Variants in PDE4D observed in about 807,000 individuals in gnomAD.
The protein encoded by PDE4D is phosphodiesterase 4D.
PDE4D carries 24 observed loss-of-function variants against 87.4 expected under a neutral mutation model. The ratio of observed to expected loss-of-function variants is 0.27; its 90% CI spans 0.20 to 0.39. PDE4D has a LOEUF of 0.39. Among genes scored for constraint, PDE4D ranks in the 10% least tolerant of loss-of-function variants. The pLI, the probability that PDE4D is intolerant of heterozygous loss-of-function variation, is 1.00. For missense variants in PDE4D, 714 were observed against 1,041.0 expected (o/e 0.69, Z 4.32); for synonymous variants, 384 against 383.2 (o/e 1.00, Z -0.02).
At chr5:59,584,107 C>G (rs722923) in intron 1 of PDE4D, among the ~76,000 whole-genome samples, 2 of 152,094 alleles carry the variant, frequency 1.3e-5, no homozygotes, top group Admixed American at 1.3e-4. Context: ...ATTCTAAGCA[C>G]GATAATTCAC....
intron 1 of PDE4D, among the ~76,000 whole-genome samples, chr5:59,535,355 T>C (rs538839927): frequency 9.2e-5 from 14 of 152,172 alleles, no homozygotes; most frequent in South Asian, 2.1e-4. Context: ...CCCCAGGTGA[T>C]TGAAAGTGGA....
intron 1 of PDE4D, among the ~76,000 whole-genome samples, chr5:59,819,042 C>A (rs924071506): frequency 6.6e-6 from 1 of 152,108 alleles, no homozygotes; most frequent in African/African-American, 2.4e-5. Context: ...CTGACATTGT[C>A]TACTTTGATC....
intron 5 of PDE4D, among the ~76,000 whole-genome samples, chr5:59,174,174 C>G (rs570778233): frequency 5.3e-4 from 81 of 152,286 alleles, no homozygotes; most frequent in African/African-American, 1.9e-3. Context: ...GAACAACAAA[C>G]ATATAAGATT....
chr5:59,824,849 T>C (rs1770133683), intron 1 of PDE4D, among the ~76,000 whole-genome samples: 1 of 152,148 alleles, frequency 6.6e-6, no homozygotes, highest in Non-Finnish European at 1.5e-5. Context: ...CCAGGCACAC[T>C]TGGACACACC....
chr5:59,312,102 C>T (rs1017761827), intron 1 of PDE4D, among the ~76,000 whole-genome samples: 1 of 152,150 alleles, frequency 6.6e-6, no homozygotes, highest in East Asian at 1.9e-4. Context: ...GTTCTCCTCT[C>T]CAAGCTTGTA....
intron 1 of PDE4D, among the ~76,000 whole-genome samples, chr5:59,364,346 C>A (rs1782704000): frequency 6.6e-6 from 1 of 151,754 alleles, no homozygotes; most frequent in Non-Finnish European, 1.5e-5. Flanking sequence ...CTTTAGCTTA[C>A]CTCTAAATTT....
rs1363218208 is a variant in PDE4D, at chr5:59,410,890, CAG to C, written c.456-194924_456-194923del. On this transcript the variant is annotated intron_variant, in intron 1 of 14. Transcript: ENST00000340635. ...CTCTTGGCATTATAAGGCTAACTGACAGAGTTCTTATTCCCAGGTGCTACTAG... is the reference window on the plus strand; with the variant it reads ...CTCTTGGCATTATAAGGCTAACTGACAGTTCTTATTCCCAGGTGCTACTAG... Among the ~76,000 whole-genome samples, 3 of 152,198 alleles carry C rather than the reference CAG, an allele frequency of 2.0e-5. No homozygotes were observed. In the East Asian group the frequency reaches 5.8e-4, roughly 29 times the overall value.
intron 1 of PDE4D, among the ~76,000 whole-genome samples, chr5:59,320,934 A>AT (rs1178278948): frequency 6.6e-6 from 1 of 152,176 alleles, no homozygotes; most frequent in African/African-American, 2.4e-5. Context: ...TAAGTAATCT[A>AT]TTTTTTCTAT....
intron 2 of PDE4D, among the ~76,000 whole-genome samples, chr5:60,035,777 G>A (rs905822665): frequency 6.6e-6 from 1 of 152,134 alleles, no homozygotes; most frequent in African/African-American, 2.4e-5. Context: ...TCACTTACTT[G>A]TCTCAATAAT....
At chr5:59,076,516 G>A (rs961806100) in intron 5 of PDE4D, among the ~76,000 whole-genome samples, 1 of 152,130 alleles carries the variant, frequency 6.6e-6, no homozygotes, top group Admixed American at 6.6e-5. Context: ...CCCAGTGACC[G>A]TAAATATCTA....
intron 1 of PDE4D, among the ~76,000 whole-genome samples, chr5:60,245,427 C>T (rs769654690): frequency 4.0e-5 from 6 of 151,740 alleles, no homozygotes; most frequent in Admixed American, 2.0e-4. Flanking sequence ...CAATCCCACT[C>T]CTAGGTATAT....
At chr5:59,657,738 T>G (rs974115539) in intron 1 of PDE4D, among the ~76,000 whole-genome samples, 1 of 152,226 alleles carries the variant, frequency 6.6e-6, no homozygotes, top group African/African-American at 2.4e-5. Flanking sequence ...TTCACACTTA[T>G]GTTATTAGTT....
chr5:60,364,420 G>C (rs1345317757), intron 1 of PDE4D, among the ~76,000 whole-genome samples: 1 of 152,004 alleles, frequency 6.6e-6, no homozygotes, highest in African/African-American at 2.4e-5. Context: ...ATTTCTTTAG[G>C]AAAGCATTAG....
At chr5:59,203,463 T>C (rs1211418392) in intron 2 of PDE4D, among the ~76,000 whole-genome samples, 1 of 152,160 alleles carries the variant, frequency 6.6e-6, no homozygotes, top group Non-Finnish European at 1.5e-5. Flanking sequence ...AACTACCATA[T>C]GATCCAGCAA....
intron 1 of PDE4D, among the ~76,000 whole-genome samples, chr5:59,848,663 A>T (rs1042031587): frequency 6.6e-6 from 1 of 152,090 alleles, no homozygotes; most frequent in African/African-American, 2.4e-5. Context: ...AGTAAAGCAC[A>T]TCAAAACTAC....
intron 1 of PDE4D, among the ~76,000 whole-genome samples, chr5:59,750,840 G>A (rs1162139602): frequency 1.3e-5 from 2 of 151,714 alleles, no homozygotes; most frequent in Admixed American, 1.3e-4. Flanking sequence ...AGAGGTTGAG[G>A]TGGGAGGCCT....
intron 1 of PDE4D, among the ~76,000 whole-genome samples, chr5:59,854,148 T>A (rs552673089): frequency 1.9e-3 from 284 of 152,194 alleles, no homozygotes; most frequent in African/African-American, 6.6e-3. Flanking sequence ...TGAAAGCAGA[T>A]CCTTTTCTCC....
At chr5:59,657,213 T>C (rs188726147) in intron 1 of PDE4D, among the ~76,000 whole-genome samples, 199 of 152,336 alleles carry the variant, frequency 1.3e-3, no homozygotes, top group African/African-American at 4.6e-3. Context: ...ATATGACCAT[T>C]TGCTATGTTA....
chr5:59,900,748 T>G (rs995783931), intron 3 of PDE4D, among the ~76,000 whole-genome samples: 1 of 152,186 alleles, frequency 6.6e-6, no homozygotes, highest in Admixed American at 6.5e-5. Context: ...TTATATTTTT[T>G]ATAAAAATGA....
Sources: allele counts gnomAD v4.1 joint callset (sites outside exome capture counted in the v4.1 genomes callset), GRCh38; gene constraint gnomAD v4.1.1; transcripts MANE v1.5; gene names NCBI Gene and HGNC (gene_info 2026-07-23, HGNC 2026-07-21).